FAAH2: variants seen among roughly 807,000 people sequenced by gnomAD.
FAAH2 encodes fatty-acid amide hydrolase 2.
A neutral mutation model predicts 36.9 loss-of-function variants in FAAH2; 60 were observed. The ratio of observed to expected loss-of-function variants is 1.63; its 90% CI spans 1.32 to 2.02. The LOEUF (loss-of-function observed/expected upper bound fraction) is 2.02, where lower values mean the gene tolerates loss of function less well. Ranked by LOEUF, FAAH2 falls within the 30% of genes most tolerant of loss-of-function variation. FAAH2 has a pLI of 0.00. For missense variants in FAAH2, 689 were observed against 397.5 expected (o/e 1.73, Z -6.23); for synonymous variants, 214 against 143.8 (o/e 1.49, Z -3.49).
chrX:57,316,711 G>C (rs1427731871), intron 3 of FAAH2, among the ~76,000 whole-genome samples: 3 of 111,082 alleles, frequency 2.7e-5, no homozygotes, highest in Non-Finnish European at 5.7e-5. Flanking sequence ...TTCACCATAG[G>C]CAAAAACTAA....
intron 7 of FAAH2, among the ~76,000 whole-genome samples, chrX:57,404,262 A>G (rs2055511565): frequency 8.9e-6 from 1 of 112,214 alleles, no homozygotes; most frequent in Admixed American, 9.4e-5. Flanking sequence ...CCTGGCTTTT[A>G]AAGAAATAGG....
chrX:57,185,794 T>C, the FAAH2 span, among the ~76,000 whole-genome samples: 1 of 109,694 alleles, frequency 9.1e-6, no homozygotes, highest in Admixed American at 9.8e-5. Flanking sequence ...CATTTATGAG[T>C]GAGAACATGC....
chrX:57,203,264 G>A, the FAAH2 span, among the ~76,000 whole-genome samples: 1 of 112,372 alleles, frequency 8.9e-6, no homozygotes, highest in East Asian at 2.8e-4. Flanking sequence ...CCAAAACAAA[G>A]GGATGGGCTC....
At chrX:57,190,589 G>A in the FAAH2 span, among the ~76,000 whole-genome samples, 3 of 110,836 alleles carry the variant, frequency 2.7e-5, no homozygotes, top group Non-Finnish European at 5.7e-5. Context: ...TGTGGGAAAA[G>A]CATAGTATCT....
intron 7 of FAAH2, among the ~76,000 whole-genome samples, chrX:57,424,702 A>T (rs986037672): frequency 2.7e-5 from 3 of 112,360 alleles, no homozygotes; most frequent in African/African-American, 9.7e-5. Context: ...AACAAACATT[A>T]TAGTCATATC....
At position 57,286,934 on chromosome X, in the gene FAAH2, G is replaced by T; in HGVS notation, c.109G>T (p.Ala37Ser). The change falls in exon 1 of 11, where the codon GCC (alanine) becomes TCC (serine). Residue 37 changes from alanine (A) to serine (S), a missense_variant. By Grantham distance (99) the Ala-to-Ser change is moderately conservative. Transcript: ENST00000374900. ...TTTAGTCTTAGGGGGTCCAAAGTTT[G>T]CCTCAAAGACCCCTCGGCCGGTGAC... ...AALVLGGPKF[A>S]SKTPRPVTEP... The T allele has an allele frequency of 8.3e-7, 1 of 1,207,462 alleles. No individual in the cohort carries two copies. Among genetic ancestry groups the T allele is most frequent in the Non-Finnish European group, 1.1e-6 (1 of 893,649 alleles).
At chrX:57,177,369 G>T in the FAAH2 span, among the ~76,000 whole-genome samples, 1 of 106,548 alleles carries the variant, frequency 9.4e-6, no homozygotes, top group South Asian at 4.2e-4. Context: ...GATTGTGACT[G>T]TCTCCTGCAA....
At chrX:57,187,013 AT>A in the FAAH2 span, among the ~76,000 whole-genome samples, 1 of 109,047 alleles carries the variant, frequency 9.2e-6, no homozygotes, top group African/African-American at 3.3e-5. Flanking sequence ...TCCAGCTTTG[AT>A]TTTTTTTCTC....
intron 7 of FAAH2, among the ~76,000 whole-genome samples, chrX:57,415,355 G>C (rs1411627187): frequency 9.0e-6 from 1 of 111,195 alleles, no homozygotes; most frequent in Non-Finnish European, 1.9e-5. Flanking sequence ...TTCTCCTTTG[G>C]GCATTTAGTG....
At chrX:57,431,850 A>T in intron 7 of FAAH2, 68 bp from the exon 8 acceptor site, 1 of 929,371 alleles carries the variant, frequency 1.1e-6, no homozygotes, top group South Asian at 3.8e-5. Context: ...CATCTTGCTG[A>T]TGTCACTCTT....
chrX:57,261,656 T>C, the FAAH2 span, among the ~76,000 whole-genome samples: 1 of 109,236 alleles, frequency 9.2e-6, no homozygotes, highest in African/African-American at 3.3e-5. Context: ...ATCAGATTAA[T>C]TGTTGCCAGG....
intron 7 of FAAH2, among the ~76,000 whole-genome samples, chrX:57,415,117 T>G (rs2055806738): frequency 9.0e-6 from 1 of 110,596 alleles, no homozygotes; most frequent in African/African-American, 3.3e-5. Context: ...TTCTTCTCTC[T>G]TTCCTTCTTT....
chrX:57,243,097 G>A, the FAAH2 span, among the ~76,000 whole-genome samples: 2 of 111,545 alleles, frequency 1.8e-5, no homozygotes, highest in South Asian at 7.6e-4. Flanking sequence ...TAAGGCTTGA[G>A]TAGGCGGTTT....
chrX:57,394,412 A>C (rs925932254), intron 7 of FAAH2: 127 of 1,190,681 alleles, frequency 1.1e-4, no homozygotes, highest in Non-Finnish European at 1.4e-4. Context: ...ATATAATTCT[A>C]CCTCTTCAGA....
At chrX:57,252,415 GC>G in the FAAH2 span, among the ~76,000 whole-genome samples, 1 of 112,386 alleles carries the variant, frequency 8.9e-6, no homozygotes, top group Non-Finnish European at 1.9e-5. Flanking sequence ...TTTGAGCTCT[GC>G]TAACAGACAG....
intron 2 of FAAH2, among the ~76,000 whole-genome samples, chrX:57,307,487 A>C (rs1217305859): frequency 9.0e-6 from 1 of 111,396 alleles, no homozygotes; most frequent in Non-Finnish European, 1.9e-5. Flanking sequence ...GAAATAAATT[A>C]TGAGGGAAAT....
chrX:57,404,159 A>G (rs2055508142), intron 7 of FAAH2, among the ~76,000 whole-genome samples: 1 of 112,478 alleles, frequency 8.9e-6, no homozygotes, highest in South Asian at 3.6e-4. Context: ...CTTTCAGGCT[A>G]CATCCTTGTT....
chrX:57,349,627 AG>A (rs1179235550), intron 5 of FAAH2, among the ~76,000 whole-genome samples: 3 of 107,653 alleles, frequency 2.8e-5, no homozygotes, highest in Non-Finnish European at 3.8e-5. Flanking sequence ...TACATTCAAA[AG>A]CTTCAAAAAT....
At chrX:57,386,137 G>A (rs989785436) in intron 7 of FAAH2, among the ~76,000 whole-genome samples, 1 of 111,140 alleles carries the variant, frequency 9.0e-6, no homozygotes, top group Non-Finnish European at 1.9e-5. Flanking sequence ...ATTTTTACGT[G>A]TATTAAGATA....
Sources: allele counts gnomAD v4.1 joint callset (sites outside exome capture counted in the v4.1 genomes callset), GRCh38; gene constraint gnomAD v4.1.1; transcripts MANE v1.5; gene names NCBI Gene and HGNC (gene_info 2026-07-23, HGNC 2026-07-21).